KLHL29: variants seen among roughly 807,000 people sequenced by gnomAD.
KLHL29 encodes the protein kelch like family member 29.
A neutral mutation model predicts 80.4 loss-of-function variants in KLHL29; 21 were observed. The observed-to-expected ratio is 0.26, with a 90% confidence interval of 0.19 to 0.38. KLHL29 has a LOEUF of 0.38. Among genes scored for constraint, KLHL29 ranks in the 10% least tolerant of loss-of-function variants. The pLI is 1.00. For missense variants in KLHL29, 867 were observed against 1,223.9 expected, an observed-to-expected ratio of 0.71 and a Z score of 4.35; for synonymous variants, 511 against 526.8, an observed-to-expected ratio of 0.97 and a Z score of 0.41.
chr2:23,480,344 G>A lies in KLHL29; in HGVS notation c.-46+4677G>A, dbSNP rs147371033. The stretch of plus-strand genomic sequence containing the variant: ...TCTACTATAAATAAAAAAATTAGCC[G>A]GGCATGGTGACACACGCCTATAGTC... On this transcript the variant is annotated intron_variant, in intron 2 of 13. Transcript: ENST00000486442. Among the ~76,000 whole-genome samples, 88 of 152,216 alleles carry A rather than the reference G, an allele frequency of 5.8e-4. No individual in the cohort carries two copies. In the South Asian group the frequency reaches 7.5e-3, roughly 13 times the overall value.
intron 2 of KLHL29, among the ~76,000 whole-genome samples, chr2:23,483,349 A>G (rs1248375741): frequency 6.6e-6 from 1 of 152,264 alleles, no homozygotes; most frequent in African/African-American, 2.4e-5. Flanking sequence ...GCCTGAAGAT[A>G]TAAAAAGACC....
intron 2 of KLHL29, among the ~76,000 whole-genome samples, chr2:23,538,933 TG>T (rs1187923793): frequency 6.6e-6 from 1 of 152,254 alleles, no homozygotes; most frequent in Non-Finnish European, 1.5e-5. Context: ...AATTCAGAAT[TG>T]TTCTTTAAAA....
At chr2:23,440,598 C>A (rs1481053559) in intron 1 of KLHL29, among the ~76,000 whole-genome samples, 1 of 151,980 alleles carries the variant, frequency 6.6e-6, no homozygotes, top group African/African-American at 2.4e-5. Context: ...GGGCTAATAC[C>A]CAGAATCTAC....
chr2:23,670,913 A>ACGCGCG (rs796301580), intron 5 of KLHL29, among the ~76,000 whole-genome samples: 1,413 of 15,400 alleles, frequency 0.092, 532 homozygotes, highest in South Asian at 0.2. Context: ...ACACACATGC[A>ACGCGCG]CGCGCTCTCT....
At chr2:23,643,241 G>A (rs950284867) in intron 5 of KLHL29, 3 of 388,384 alleles carry the variant, frequency 7.7e-6, no homozygotes, top group African/African-American at 6.2e-5. Flanking sequence ...CCCTTTGGGG[G>A]CCTTCTCCAC....
At chr2:23,440,550 A>C (rs574582069) in intron 1 of KLHL29, among the ~76,000 whole-genome samples, 4 of 152,236 alleles carry the variant, frequency 2.6e-5, no homozygotes, top group Admixed American at 6.5e-5. Flanking sequence ...CAACCTACAA[A>C]ATGGGAGAAA....
intron 1 of KLHL29, among the ~76,000 whole-genome samples, chr2:23,391,823 C>A (rs1666328961): frequency 6.6e-6 from 1 of 152,212 alleles, no homozygotes; most frequent in Non-Finnish European, 1.5e-5. Context: ...GAATACTGTC[C>A]AATAAAGAAT....
intron 1 of KLHL29, among the ~76,000 whole-genome samples, chr2:23,426,322 A>G (rs555532524): frequency 5.9e-5 from 9 of 152,226 alleles, no homozygotes; most frequent in African/African-American, 2.2e-4. Flanking sequence ...AATCCAAGGT[A>G]CTATTATTTA....
At chr2:23,606,740 A>T (rs934471795) in intron 3 of KLHL29, among the ~76,000 whole-genome samples, 2 of 152,290 alleles carry the variant, frequency 1.3e-5, no homozygotes, top group Middle Eastern at 3.4e-3. Flanking sequence ...CAGGGAGAGC[A>T]GAAGGGAGCT....
chr2:23,402,596 C>A (rs1263756116), intron 1 of KLHL29, among the ~76,000 whole-genome samples: 1 of 152,120 alleles, frequency 6.6e-6, no homozygotes. Flanking sequence ...AACTGAACAG[C>A]CTGGCTTGTC....
chr2:23,548,669 C>CAGCAGTGAGCGCGTGGCA (rs1281153287), intron 2 of KLHL29, among the ~76,000 whole-genome samples: 3 of 152,356 alleles, frequency 2.0e-5, no homozygotes, highest in Non-Finnish European at 4.4e-5. Context: ...CCCAGCCGAC[C>CAGCAGTGAGCGCGTGGCA]AGCAGTGAGC....
chr2:23,403,970 C>T (rs1376942068), intron 1 of KLHL29, among the ~76,000 whole-genome samples: 1 of 152,118 alleles, frequency 6.6e-6, no homozygotes, highest in Admixed American at 6.5e-5. Flanking sequence ...ATCCTCGATG[C>T]CTTTGACTGC....
At chr2:23,668,503 T>C (rs1670616853) in intron 5 of KLHL29, 1 of 152,240 alleles carries the variant, frequency 6.6e-6, no homozygotes, top group African/African-American at 2.4e-5. Context: ...TTGCAGACCT[T>C]GCTAACGGGA....
At chr2:23,482,220 G>A (rs1174852090) in intron 2 of KLHL29, among the ~76,000 whole-genome samples, 3 of 152,212 alleles carry the variant, frequency 2.0e-5, no homozygotes, top group Non-Finnish European at 4.4e-5. Context: ...ATGGAGGGGC[G>A]CACAGCCGTC....
intron 11 of KLHL29, among the ~76,000 whole-genome samples, chr2:23,698,803 T>C (rs1672166244): frequency 1.3e-5 from 2 of 152,292 alleles, no homozygotes; most frequent in African/African-American, 2.4e-5. Flanking sequence ...AGCTGACAGA[T>C]TGAGCTGACG....
At chr2:23,537,326 A>G (rs1387383212) in intron 2 of KLHL29, among the ~76,000 whole-genome samples, 3 of 151,790 alleles carry the variant, frequency 2.0e-5, no homozygotes, top group East Asian at 3.9e-4. Context: ...CCATCATACT[A>G]CAGTGCAGGG....
At chr2:23,536,922 T>A (rs199509071) in intron 2 of KLHL29, among the ~76,000 whole-genome samples, 141 of 88,134 alleles carry the variant, frequency 1.6e-3, no homozygotes, top group African/African-American at 7.0e-3. Context: ...ACACACACTC[T>A]CTCTCTCCCT....
At chr2:23,542,099 A>G (rs1360110819) in intron 2 of KLHL29, among the ~76,000 whole-genome samples, 1 of 152,252 alleles carries the variant, frequency 6.6e-6, no homozygotes, top group Non-Finnish European at 1.5e-5. Flanking sequence ...GAGTCAGGCA[A>G]CCAGGGTGGT....
chr2:23,543,833 C>T (rs1005171584), intron 2 of KLHL29, among the ~76,000 whole-genome samples: 2 of 152,160 alleles, frequency 1.3e-5, no homozygotes, highest in Non-Finnish European at 2.9e-5. Context: ...GCTCCCTCCA[C>T]CACTCCAGAT....
Sources: allele counts gnomAD v4.1 joint callset (sites outside exome capture counted in the v4.1 genomes callset), GRCh38; gene constraint gnomAD v4.1.1; transcripts MANE v1.5; gene names NCBI Gene and HGNC (gene_info 2026-07-23, HGNC 2026-07-21).